NEGR1: variants seen among roughly 807,000 people sequenced by gnomAD.
NEGR1 encodes the protein neuronal growth regulator 1.
NEGR1 carries 10 observed loss-of-function variants against 40.9 expected under a neutral mutation model. The ratio of observed to expected loss-of-function variants is 0.24; its 90% CI spans 0.15 to 0.42. The LOEUF (loss-of-function observed/expected upper bound fraction) is 0.42, where lower values mean the gene tolerates loss of function less well. Among genes scored for constraint, NEGR1 ranks in the 10% least tolerant of loss-of-function variants. The pLI is 1.00. For missense variants in NEGR1, 352 were observed against 438.9 expected, an observed-to-expected ratio of 0.80 and a Z score of 1.77; for synonymous variants, 185 against 166.8, an observed-to-expected ratio of 1.11 and a Z score of -0.84.
chr1:71,704,854 A>G (rs774368064), intron 3 of NEGR1, among the ~76,000 whole-genome samples: 56 of 152,026 alleles, frequency 3.7e-4, no homozygotes, highest in Non-Finnish European at 6.3e-4. Flanking sequence ...TGACACAAAA[A>G]TCCCTTAACA....
intron 2 of NEGR1, among the ~76,000 whole-genome samples, chr1:71,808,921 A>G (rs980346250): frequency 2.0e-5 from 3 of 152,186 alleles, no homozygotes; most frequent in Non-Finnish European, 4.4e-5. Flanking sequence ...CTTGTTTTCT[A>G]TATATGCCAA....
chr1:72,084,594 C>T (rs1648136489), intron 1 of NEGR1, among the ~76,000 whole-genome samples: 1 of 152,126 alleles, frequency 6.6e-6, no homozygotes, highest in Admixed American at 6.5e-5. Flanking sequence ...TTGTTCATGG[C>T]TGCACCCCAG....
At chr1:71,694,792 A>T (rs1653421313) in intron 4 of NEGR1, among the ~76,000 whole-genome samples, 1 of 151,850 alleles carries the variant, frequency 6.6e-6, no homozygotes, top group South Asian at 2.1e-4. Context: ...ATTATATTTC[A>T]TCTTGAACCC....
chr1:72,089,070 A>C (rs1039588975), intron 1 of NEGR1, among the ~76,000 whole-genome samples: 1 of 152,166 alleles, frequency 6.6e-6, no homozygotes, highest in Non-Finnish European at 1.5e-5. Flanking sequence ...TAAATCTTCA[A>C]AACTGCAAAT....
chr1:72,172,600 C>T (rs1206195708), intron 1 of NEGR1, among the ~76,000 whole-genome samples: 1 of 152,108 alleles, frequency 6.6e-6, no homozygotes, highest in Non-Finnish European at 1.5e-5. Flanking sequence ...TCAAGTGAAA[C>T]ATATTGTAAT....
chr1:71,545,000 G>A (rs1349108568), intron 6 of NEGR1, among the ~76,000 whole-genome samples: 1 of 151,628 alleles, frequency 6.6e-6, no homozygotes, highest in Non-Finnish European at 1.5e-5. Flanking sequence ...CAGCTGATTG[G>A]CTGCTGGCTT....
chr1:71,748,222 C>A (rs569952017), intron 3 of NEGR1, among the ~76,000 whole-genome samples: 1 of 152,038 alleles, frequency 6.6e-6, no homozygotes, highest in South Asian at 2.1e-4. Context: ...CCTACTTTAC[C>A]GTACATACTG....
At chr1:71,471,570 C>T (rs1444887720) in intron 6 of NEGR1, among the ~76,000 whole-genome samples, 1 of 151,948 alleles carries the variant, frequency 6.6e-6, no homozygotes, top group African/African-American at 2.4e-5. Flanking sequence ...CATTTGAACC[C>T]AGGAAGCAGA....
chr1:71,853,116 A>T (rs1333913149), intron 2 of NEGR1, among the ~76,000 whole-genome samples: 3 of 152,060 alleles, frequency 2.0e-5, no homozygotes, highest in African/African-American at 4.8e-5. Flanking sequence ...CAGGGAAAGG[A>T]TTGGAATATT....
intron 1 of NEGR1, among the ~76,000 whole-genome samples, chr1:72,113,845 A>G (rs1649479534): frequency 6.6e-6 from 1 of 151,684 alleles, no homozygotes; most frequent in Non-Finnish European, 1.5e-5. Context: ...CTTAGGACTT[A>G]ATTTAACTCT....
Position 71,935,097 on chromosome 1 carries a change from C to T in NEGR1, c.391G>A (p.Val131Met). ...QTQHTPRTMQ[V>M]HLTVQVPPKI... ...TACATACCTTGCACAGTTAGATGCACCTGCATTGTTCTGGGTGTATGTTGA... is the reference window on the plus strand; with the variant it reads ...TACATACCTTGCACAGTTAGATGCATCTGCATTGTTCTGGGTGTATGTTGA... The change falls in exon 2 of 7, where the codon GTG becomes ATG. Residue 131 changes from valine to methionine, a missense_variant. This residue lies in a region of NEGR1 where 50 missense variants were observed against 53.0 expected (regional missense o/e 0.94). Transcript: ENST00000357731. 1 of 1,606,838 alleles carries T rather than the reference C, an allele frequency of 6.2e-7. No individual in the cohort carries two copies. Among genetic ancestry groups the T allele is most frequent in the Non-Finnish European group, 8.5e-7 (1 of 1,173,480 alleles).
intron 6 of NEGR1, 69 bp downstream of exon 6, chr1:71,592,747 GT>G: frequency 8.0e-7 from 1 of 1,253,712 alleles, no homozygotes; most frequent in Non-Finnish European, 1.1e-6. Flanking sequence ...CCATTCTTAG[GT>G]TTTATCTCTA....
chr1:72,013,024 C>T (rs886291871), intron 1 of NEGR1, among the ~76,000 whole-genome samples: 6 of 151,154 alleles, frequency 4.0e-5, no homozygotes, highest in Non-Finnish European at 8.8e-5. Context: ...ATATGAATAG[C>T]ATGATGGAAT....
intron 3 of NEGR1, among the ~76,000 whole-genome samples, chr1:71,753,416 T>C (rs2101690200): frequency 6.6e-6 from 1 of 152,282 alleles, no homozygotes; most frequent in Admixed American, 6.5e-5. Flanking sequence ...AAAAATGGTG[T>C]TGACTACACC....
intron 2 of NEGR1, among the ~76,000 whole-genome samples, chr1:71,809,551 A>G (rs1173434339): frequency 1.3e-5 from 2 of 152,228 alleles, no homozygotes; most frequent in African/African-American, 4.8e-5. Context: ...ATGATCAAAA[A>G]GGACTAATTG....
intron 1 of NEGR1, among the ~76,000 whole-genome samples, chr1:72,044,329 T>G (rs1467139427): frequency 7.1e-6 from 1 of 141,594 alleles, no homozygotes; most frequent in Non-Finnish European, 1.5e-5. Context: ...AAGGTCTAAG[T>G]TAAAAAAAAA....
chr1:72,123,595 A>G (rs1649890137), intron 1 of NEGR1, among the ~76,000 whole-genome samples: 1 of 151,902 alleles, frequency 6.6e-6, no homozygotes, highest in Middle Eastern at 3.2e-3. Context: ...TTAAAAATAT[A>G]ATAGCTTCTC....
chr1:71,593,047 T>C, intron 5 of NEGR1, 79 bp from the exon 6 acceptor site: 1 of 968,010 alleles, frequency 1.0e-6, no homozygotes, highest in Non-Finnish European at 1.6e-6. Flanking sequence ...GGGGTTGTCA[T>C]GGCAACCCAT....
At chr1:72,135,103 G>T (rs1055607414) in intron 1 of NEGR1, among the ~76,000 whole-genome samples, 1 of 150,450 alleles carries the variant, frequency 6.6e-6, no homozygotes, top group Middle Eastern at 3.4e-3. Context: ...TCGGCCGGGC[G>T]TGGTGGCTCA....
Sources: gnomAD v4.1 joint callset for allele counts (sites outside exome capture counted in the v4.1 genomes callset) on GRCh38, gnomAD v4.1.1 for gene constraint, gnomAD v4.1.1 regional missense constraint, MANE v1.5 for transcripts, NCBI Gene and HGNC (gene_info 2026-07-23, HGNC 2026-07-21) for gene names.